Variants in CLDN16 observed in about 807,000 individuals in gnomAD.
CLDN16 encodes the protein claudin-16.
CLDN16 carries 13 observed loss-of-function variants against 24.6 expected under a neutral mutation model. That is an observed-to-expected ratio of 0.53 (90% CI 0.34 to 0.84). CLDN16 has a LOEUF of 0.84. Among genes scored for constraint, CLDN16 ranks in the 40% least tolerant of loss-of-function variants. The probability of loss-of-function intolerance (pLI) is 0.01; values close to 1 mark genes in which losing one functional copy is unlikely to be tolerated. For missense variants in CLDN16, 298 were observed against 292.7 expected (o/e 1.02, Z -0.13); for synonymous variants, 116 against 106.7 (o/e 1.09, Z -0.54).
chr3:190,311,520 T>TAA, the CLDN16 span, among the ~76,000 whole-genome samples: 1 of 152,050 alleles, frequency 6.6e-6, no homozygotes, highest in Non-Finnish European at 1.5e-5. Flanking sequence ...CTACAAGTCT[T>TAA]CTGTCAAAAA....
chr3:190,378,237 T>C (rs992090552), intron 3 of CLDN16, among the ~76,000 whole-genome samples: 1 of 151,926 alleles, frequency 6.6e-6, no homozygotes, highest in Non-Finnish European at 1.5e-5. Context: ...ACAATGCACT[T>C]ACAAGAAGAC....
chr3:190,379,975 G>GTCTATCATCTATCTATCTATCTATCTA (rs144203820), intron 3 of CLDN16, among the ~76,000 whole-genome samples: 72 of 149,104 alleles, frequency 4.8e-4, no homozygotes, highest in African/African-American at 1.6e-3. Context: ...TATCAACTCT[G>GTCTATCATCTATCTATCTATCTATCTA]TCTATCTATC....
Position 190,404,864 on chromosome 3 carries a change from C to G in CLDN16, c.320C>G (p.Pro107Arg), listed in dbSNP as rs1719052840. Residue 107 changes from proline to arginine, a missense_variant, in exon 3 of 5, where the codon CCT becomes CGT. Coordinates refer to ENST00000264734, the MANE Select transcript of CLDN16 (RefSeq NM_006580.4). ...LLGLDCVKFL[P>R]DEPYIKVRIC... ...GGTCTTGACTGCGTGAAATTCCTCC[C>G]TGATGAGCCGTACATTAAAGTCCGC... 6 of 1,614,106 alleles carry G rather than the reference C, an allele frequency of 3.7e-6. 1 individual carries two copies. In the South Asian group the frequency reaches 5.5e-5, roughly 15 times the overall value.
upstream of CLDN16, among the ~76,000 whole-genome samples, chr3:190,318,191 C>A (rs1716820306): frequency 6.6e-6 from 1 of 152,108 alleles, no homozygotes; most frequent in Non-Finnish European, 1.5e-5. Flanking sequence ...TGAAAATGAT[C>A]CTGGATGAGG....
At chr3:190,319,619 A>T (rs78953192), upstream of CLDN16, among the ~76,000 whole-genome samples, 1,248 of 152,334 alleles carry the variant, frequency 8.2e-3, 14 homozygotes, top group African/African-American at 0.026. Context: ...TCTGGCCGGG[A>T]AGACAAGTGT....
chr3:190,373,618 T>C (rs1718186453), intron 2 of CLDN16, among the ~76,000 whole-genome samples: 2 of 151,954 alleles, frequency 1.3e-5, no homozygotes, highest in African/African-American at 4.8e-5. Context: ...TATATTGCCT[T>C]AAATAATGCT....
At chr3:190,335,231 A>T (rs1448855761) in intron 1 of CLDN16, among the ~76,000 whole-genome samples, 1 of 151,644 alleles carries the variant, frequency 6.6e-6, no homozygotes, top group Non-Finnish European at 1.5e-5. Context: ...TTTAGTAGGG[A>T]CGGAGTTTCA....
chr3:190,332,333 T>C (rs1054680553), intron 1 of CLDN16, among the ~76,000 whole-genome samples: 1 of 152,180 alleles, frequency 6.6e-6, no homozygotes, highest in African/African-American at 2.4e-5. Flanking sequence ...AATTAATTAA[T>C]AAAAATAAGA....
intron 1 of CLDN16, among the ~76,000 whole-genome samples, chr3:190,360,230 G>A (rs921664724): frequency 1.6e-4 from 25 of 152,134 alleles, no homozygotes; most frequent in African/African-American, 5.3e-4. Flanking sequence ...AGTATAAACT[G>A]TTTCCAGGGA....
chr3:190,387,641 T>G (rs1718538262), upstream of CLDN16, among the ~76,000 whole-genome samples: 1 of 152,178 alleles, frequency 6.6e-6, no homozygotes, highest in African/African-American at 2.4e-5. Context: ...TGCATTAAAA[T>G]GCACACTTGT....
At chr3:190,402,665 T>C (rs183936028) in intron 2 of CLDN16, among the ~76,000 whole-genome samples, 2 of 152,284 alleles carry the variant, frequency 1.3e-5, no homozygotes, top group Admixed American at 1.3e-4. Flanking sequence ...AAAAATATTA[T>C]CTTATTAATC....
upstream of CLDN16, among the ~76,000 whole-genome samples, chr3:190,321,699 C>T (rs185523477): frequency 1.2e-4 from 18 of 152,294 alleles, no homozygotes; most frequent in African/African-American, 4.1e-4. Flanking sequence ...GTTTGGCCTT[C>T]ACTCCCTCAA....
upstream of CLDN16, chr3:190,322,389 C>A (rs983140650): frequency 1.2e-5 from 8 of 640,228 alleles, no homozygotes; most frequent in Admixed American, 1.9e-4. Flanking sequence ...GCGCCCGGGG[C>A]GGCGCTGGAG....
At chr3:190,322,323 G>T (rs1305392757), upstream of CLDN16, 2 of 934,574 alleles carry the variant, frequency 2.1e-6, no homozygotes, top group Non-Finnish European at 3.3e-6. Context: ...AGTTAAGGCG[G>T]GGAGCCCTGC....
At chr3:190,301,840 A>G in the CLDN16 span, among the ~76,000 whole-genome samples, 1 of 152,108 alleles carries the variant, frequency 6.6e-6, no homozygotes, top group Non-Finnish European at 1.5e-5. Flanking sequence ...TTCCCTCCTT[A>G]TCTACTTACG....
upstream of CLDN16, among the ~76,000 whole-genome samples, chr3:190,317,749 T>C (rs1322449404): frequency 1.3e-5 from 2 of 152,230 alleles, no homozygotes; most frequent in South Asian, 2.1e-4. Flanking sequence ...GGAAGCCTTG[T>C]ATACAGAAAG....
chr3:190,403,674 C>T (rs1719018396), intron 2 of CLDN16, among the ~76,000 whole-genome samples: 1 of 152,204 alleles, frequency 6.6e-6, no homozygotes, highest in South Asian at 2.1e-4. Flanking sequence ...AACAGCAGCA[C>T]TCTAAAATTC....
chr3:190,298,543 C>A, the CLDN16 span, among the ~76,000 whole-genome samples: 3 of 151,466 alleles, frequency 2.0e-5, no homozygotes, highest in Non-Finnish European at 4.4e-5. Context: ...GCAACCTCCG[C>A]CTCCTGGGTT....
At chr3:190,332,790 T>C (rs186128735) in intron 1 of CLDN16, among the ~76,000 whole-genome samples, 2 of 151,688 alleles carry the variant, frequency 1.3e-5, no homozygotes. Flanking sequence ...TTTTTTTTGT[T>C]ACAAGACATA....
Sources: allele counts gnomAD v4.1 joint callset (sites outside exome capture counted in the v4.1 genomes callset), GRCh38; gene constraint gnomAD v4.1.1; transcripts MANE v1.5; gene names NCBI Gene and HGNC (gene_info 2026-07-23, HGNC 2026-07-21).